RBFOX1: variants seen among roughly 807,000 people sequenced by gnomAD.
RBFOX1 encodes the protein RNA binding protein fox-1 homolog 1.
Under a neutral mutation model 57.7 loss-of-function variants are expected in RBFOX1, and 8 were observed. The ratio of observed to expected loss-of-function variants is 0.14; its 90% CI spans 0.08 to 0.25. RBFOX1 has a LOEUF of 0.25. Among genes scored for constraint, RBFOX1 ranks in the 10% least tolerant of loss-of-function variants. The pLI, the probability that RBFOX1 is intolerant of heterozygous loss-of-function variation, is 1.00. For synonymous variants in RBFOX1, 326 were observed against 222.4 expected (o/e 1.47, Z -4.15); for missense variants, 611 against 548.5 (o/e 1.11, Z -1.14).
chr16:7,516,901 A>T (rs905735693), intron 4 of RBFOX1, among the ~76,000 whole-genome samples: 2 of 151,852 alleles, frequency 1.3e-5, no homozygotes, highest in African/African-American at 4.8e-5. Flanking sequence ...TTAGAGAAAG[A>T]GGATTTCGGA....
chr16:6,388,321 G>A (rs1480056298), intron 2 of RBFOX1, among the ~76,000 whole-genome samples: 1 of 151,964 alleles, frequency 6.6e-6, no homozygotes, highest in African/African-American at 2.4e-5. Context: ...GTCTGAAGCT[G>A]TTTGCAGCCA....
chr16:7,446,013 C>A (rs184008203), intron 4 of RBFOX1, among the ~76,000 whole-genome samples: 1 of 152,242 alleles, frequency 6.6e-6, no homozygotes, highest in African/African-American at 2.4e-5. Context: ...TCTCAGCCTG[C>A]CCAACAATTT....
intron 3 of RBFOX1, among the ~76,000 whole-genome samples, chr16:6,780,397 TTTTTATATATA>T (rs2080708912): frequency 2.3e-5 from 2 of 87,842 alleles, no homozygotes; most frequent in Admixed American, 1.7e-4. Flanking sequence ...ATTATATATA[TTTTTATATATA>T]TTTATATATA....
chr16:7,020,671 G>T (rs1346659251), intron 3 of RBFOX1, among the ~76,000 whole-genome samples: 1 of 152,100 alleles, frequency 6.6e-6, no homozygotes, highest in East Asian at 1.9e-4. Flanking sequence ...AAATGACATT[G>T]GACACTGTCT....
intron 2 of RBFOX1, among the ~76,000 whole-genome samples, chr16:6,387,141 G>T (rs1054906578): frequency 1.3e-5 from 2 of 152,178 alleles, no homozygotes; most frequent in African/African-American, 2.4e-5. Context: ...GCCTTTTAGG[G>T]TTGGTGACCC....
At chr16:7,633,443 A>G (rs936227727) in intron 11 of RBFOX1, among the ~76,000 whole-genome samples, 2 of 152,212 alleles carry the variant, frequency 1.3e-5, no homozygotes, top group African/African-American at 4.8e-5. Flanking sequence ...ATGAACCCAT[A>G]GTATTGTTTC....
intron 2 of RBFOX1, among the ~76,000 whole-genome samples, chr16:6,373,658 T>A (rs1357547783): frequency 1.3e-5 from 2 of 152,100 alleles, no homozygotes; most frequent in East Asian, 3.9e-4. Flanking sequence ...GGAGATTGGG[T>A]AGATATACAG....
intron 3 of RBFOX1, among the ~76,000 whole-genome samples, chr16:5,829,018 C>T (rs910485021): frequency 2.0e-5 from 3 of 152,230 alleles, no homozygotes; most frequent in East Asian, 1.9e-4. Flanking sequence ...TGCAGATATC[C>T]GAAGACCTGG....
chr16:7,434,831 C>T (rs954452639), intron 4 of RBFOX1, among the ~76,000 whole-genome samples: 8 of 151,922 alleles, frequency 5.3e-5, no homozygotes, highest in Admixed American at 1.3e-4. Context: ...CCTCTGCCTC[C>T]CAGACTCAAG....
Position 5,996,452 on chromosome 16 carries a change from ATT to A in RBFOX1, c.351+129129_351+129130del, listed in dbSNP as rs35219123. On this transcript the variant is annotated intron_variant, in intron 4 of 19. Coordinates refer to the RBFOX1 transcript ENST00000641259. ...AGGAGTTCACGGAGGTGTGAGGGTG[ATT>A]TTTTTTTTTTTCTCCCAATAAGCAG... Among the ~76,000 whole-genome samples the A allele has an allele frequency of 1.8e-3, 268 of 147,646 alleles. 2 individuals carry two copies. Among genetic ancestry groups the A allele is most frequent in the African/African-American group, 3.8e-3 (154 of 40,166 alleles).
chr16:7,629,898 A>G (rs944647199), intron 10 of RBFOX1, among the ~76,000 whole-genome samples: 1 of 152,234 alleles, frequency 6.6e-6, no homozygotes, highest in Non-Finnish European at 1.5e-5. Flanking sequence ...GCGGGAATAC[A>G]GAAGCCGAAG....
At chr16:6,734,426 C>A (rs79301092) in intron 3 of RBFOX1, among the ~76,000 whole-genome samples, 2,415 of 152,266 alleles carry the variant, frequency 0.016, 40 homozygotes, top group Middle Eastern at 0.034. Flanking sequence ...ATTTCCTTTA[C>A]GTGGATTATC....
intron 4 of RBFOX1, among the ~76,000 whole-genome samples, chr16:7,398,234 T>G (rs1201841837): frequency 1.3e-5 from 2 of 152,216 alleles, no homozygotes; most frequent in African/African-American, 4.8e-5. Context: ...TGACAGCTTA[T>G]CACAGTGGCA....
intron 3 of RBFOX1, among the ~76,000 whole-genome samples, chr16:5,612,107 T>G (rs978024305): frequency 2.0e-5 from 3 of 151,152 alleles, no homozygotes; most frequent in African/African-American, 7.3e-5. Flanking sequence ...ATTCATTCAT[T>G]CATTCATTCA....
rs191807138 is a variant in RBFOX1 at position 6,741,536 on chromosome 16, G to C, written c.-16+86886G>C. Among the ~76,000 whole-genome samples, 326 of 152,006 alleles carry C rather than the reference G, an allele frequency of 2.1e-3. 2 individuals are homozygous for C. The highest frequency in any genetic ancestry group is 3.2e-3 in the Non-Finnish European group (216 of 67,968). ...AATTTTAGCCAGGCTAACTTTGGTG[G>C]TGCGCACCTGTAATCCCAGCTACTT... On this transcript the variant is annotated intron_variant, in intron 3 of 15. Transcript: ENST00000550418.
intron 3 of RBFOX1, among the ~76,000 whole-genome samples, chr16:6,972,330 G>T (rs765759629): frequency 1.3e-5 from 2 of 151,882 alleles, no homozygotes. Flanking sequence ...ACCTTGTATC[G>T]GTGGAATTAT....
intron 4 of RBFOX1, among the ~76,000 whole-genome samples, chr16:7,226,174 G>A (rs1447677413): frequency 1.3e-5 from 2 of 152,106 alleles, no homozygotes; most frequent in African/African-American, 2.4e-5. Flanking sequence ...TAACATCCCA[G>A]GGATAACTCT....
chr16:5,403,024 A>G (rs1006539275), intron 1 of RBFOX1, among the ~76,000 whole-genome samples: 1 of 152,212 alleles, frequency 6.6e-6, no homozygotes, highest in African/African-American at 2.4e-5. Context: ...GCACACACGT[A>G]TACACAAATG....
chr16:7,227,101 C>A (rs201052065), intron 4 of RBFOX1, among the ~76,000 whole-genome samples: 3 of 152,122 alleles, frequency 2.0e-5, no homozygotes, highest in Non-Finnish European at 4.4e-5. Flanking sequence ...TTTATAGAAC[C>A]TGTTTGGTCC....
Sources: gnomAD v4.1 joint callset for allele counts (sites outside exome capture counted in the v4.1 genomes callset) on GRCh38, gnomAD v4.1.1 for gene constraint, MANE v1.5 for transcripts, NCBI Gene and HGNC (gene_info 2026-07-23, HGNC 2026-07-21) for gene names.